CNTN5: variants seen among roughly 807,000 people sequenced by gnomAD.
CNTN5 encodes contactin 5.
CNTN5 carries 77 observed loss-of-function variants against 129.1 expected under a neutral mutation model. The ratio of observed to expected loss-of-function variants is 0.60; its 90% CI spans 0.50 to 0.72. The LOEUF is 0.72. CNTN5 is among the 30% of genes least tolerant of loss of function. CNTN5 has a pLI of 0.00. For synonymous variants in CNTN5, 509 were observed against 465.6 expected, an observed-to-expected ratio of 1.09 and a Z score of -1.20; for missense variants, 1,478 against 1,328.8, an observed-to-expected ratio of 1.11 and a Z score of -1.75.
intron 17 of CNTN5, among the ~76,000 whole-genome samples, chr11:100,256,991 C>T (rs1352322785): frequency 6.6e-6 from 1 of 152,116 alleles, no homozygotes; most frequent in African/African-American, 2.4e-5. Flanking sequence ...AGCCAGAGAG[C>T]CAAGTGGTCT....
intron 9 of CNTN5, among the ~76,000 whole-genome samples, chr11:100,035,562 G>C (rs1425522358): frequency 7.0e-6 from 1 of 143,660 alleles, no homozygotes; most frequent in East Asian, 2.0e-4. Context: ...TTCCACAATG[G>C]TTGAACTAGT....
chr11:99,057,533 G>A (rs917779597), intron 1 of CNTN5, among the ~76,000 whole-genome samples: 5 of 151,980 alleles, frequency 3.3e-5, no homozygotes, highest in Non-Finnish European at 4.4e-5. Flanking sequence ...AGGATGGATC[G>A]TTTGTTTCAA....
chr11:99,412,423 T>C (rs1942439316), intron 2 of CNTN5, among the ~76,000 whole-genome samples: 2 of 152,214 alleles, frequency 1.3e-5, no homozygotes, highest in African/African-American at 4.8e-5. Flanking sequence ...TTCATACTAA[T>C]AGCTAATTGG....
At chr11:99,662,428 CATTAAAACAA>C (rs2135920263) in intron 3 of CNTN5, among the ~76,000 whole-genome samples, 1 of 152,230 alleles carries the variant, frequency 6.6e-6, no homozygotes, top group Non-Finnish European at 1.5e-5. Context: ...ATCGAAATTT[CATTAAAACAA>C]GCTAGATAAA....
intron 16 of CNTN5, among the ~76,000 whole-genome samples, chr11:100,231,273 CTG>C (rs1334886108): frequency 6.6e-6 from 1 of 152,144 alleles, no homozygotes; most frequent in Non-Finnish European, 1.5e-5. Flanking sequence ...TTAGAGGACA[CTG>C]TGACTAGTGG....
At chr11:99,235,631 A>G (rs1231207280) in intron 1 of CNTN5, among the ~76,000 whole-genome samples, 1 of 152,196 alleles carries the variant, frequency 6.6e-6, no homozygotes, top group Non-Finnish European at 1.5e-5. Context: ...TCAATATAAT[A>G]TAGTCTGAGT....
At chr11:100,091,353 A>G (rs758752832) in intron 13 of CNTN5, among the ~76,000 whole-genome samples, 3 of 148,022 alleles carry the variant, frequency 2.0e-5, no homozygotes, top group Non-Finnish European at 3.0e-5. Context: ...TCTCTCACAC[A>G]TCTCATCTGG....
intron 4 of CNTN5, among the ~76,000 whole-genome samples, chr11:99,842,139 C>A (rs540068670): frequency 6.6e-6 from 1 of 152,168 alleles, no homozygotes; most frequent in South Asian, 2.1e-4. Flanking sequence ...AGATGATGCA[C>A]CCACCTCAGC....
chr11:99,824,992 T>C (rs1445939304), intron 4 of CNTN5, among the ~76,000 whole-genome samples: 2 of 152,040 alleles, frequency 1.3e-5, no homozygotes. Flanking sequence ...AGCATAGTGT[T>C]TGTTAAGTTG....
Position 99,819,587 on chromosome 11 carries a change from T to C in CNTN5, c.99T>C (p.Ala33=). The change falls in exon 4 of 25, where the codon GCT becomes GCC. Residue 33 remains alanine, a synonymous_variant. Coordinates refer to ENST00000524871, the MANE Select transcript of CNTN5 (RefSeq NM_014361.4). ...SLPGLSTSYA[A]LLRIKKSSSS... ...CTGGTCTCTCCACTTCATATGCTGCTTTGTTAAGAATTAAGAAGAGTTCAT... is the reference window on the plus strand; with the variant it reads ...CTGGTCTCTCCACTTCATATGCTGCCTTGTTAAGAATTAAGAAGAGTTCAT... 1 of 1,612,888 alleles carries C rather than the reference T, an allele frequency of 6.2e-7. No homozygotes were observed. The highest frequency in any genetic ancestry group is 8.5e-7 in the Non-Finnish European group (1 of 1,179,796).
intron 15 of CNTN5, among the ~76,000 whole-genome samples, chr11:100,196,130 A>C (rs1446753206): frequency 1.3e-5 from 2 of 151,910 alleles, no homozygotes; most frequent in African/African-American, 4.8e-5. Context: ...CAGAGTAAAA[A>C]AATGAAAATG....
chr11:100,292,206 G>T (rs1437214639), intron 18 of CNTN5, among the ~76,000 whole-genome samples: 1 of 152,018 alleles, frequency 6.6e-6, no homozygotes, highest in African/African-American at 2.4e-5. Context: ...AAGGAGAAAA[G>T]CTTCCACTTA....
chr11:99,257,381 A>C (rs1565443068), intron 1 of CNTN5, among the ~76,000 whole-genome samples: 1 of 152,052 alleles, frequency 6.6e-6, no homozygotes, highest in Non-Finnish European at 1.5e-5. Context: ...AGACATGTCT[A>C]CAAACTGTTT....
At chr11:100,052,780 C>G (rs1159329116) in intron 9 of CNTN5, among the ~76,000 whole-genome samples, 1 of 151,688 alleles carries the variant, frequency 6.6e-6, no homozygotes, top group Non-Finnish European at 1.5e-5. Context: ...ACTTAGAAGA[C>G]TTGCACTACT....
intron 1 of CNTN5, among the ~76,000 whole-genome samples, chr11:99,109,062 CAT>C (rs1857654205): frequency 6.6e-6 from 1 of 151,338 alleles, no homozygotes; most frequent in Admixed American, 6.6e-5. Context: ...CACATATACA[CAT>C]AGTGTATGTA....
intron 13 of CNTN5, among the ~76,000 whole-genome samples, chr11:100,143,074 CA>C (rs1946744416): frequency 6.6e-6 from 1 of 151,970 alleles, no homozygotes; most frequent in Non-Finnish European, 1.5e-5. Flanking sequence ...ACAAATATTC[CA>C]AAATCTGAAA....
intron 9 of CNTN5, among the ~76,000 whole-genome samples, chr11:100,032,836 T>C (rs1771978050): frequency 6.6e-6 from 1 of 152,186 alleles, no homozygotes; most frequent in South Asian, 2.1e-4. Context: ...TTTTCCAGTC[T>C]AATCTACAAA....
At chr11:99,854,925 G>GAA (rs1401817784) in intron 6 of CNTN5, among the ~76,000 whole-genome samples, 2 of 152,106 alleles carry the variant, frequency 1.3e-5, no homozygotes, top group Non-Finnish European at 2.9e-5. Flanking sequence ...AAAGAGAGAA[G>GAA]AAAGGATGAT....
intron 2 of CNTN5, among the ~76,000 whole-genome samples, chr11:99,548,457 A>G (rs1328001727): frequency 6.6e-6 from 1 of 152,202 alleles, no homozygotes; most frequent in Non-Finnish European, 1.5e-5. Context: ...CCTTATTTGG[A>G]CATGAGCTGA....
Sources: allele counts gnomAD v4.1 joint callset (sites outside exome capture counted in the v4.1 genomes callset), GRCh38; gene constraint gnomAD v4.1.1; transcripts MANE v1.5; gene names NCBI Gene and HGNC (gene_info 2026-07-23, HGNC 2026-07-21).